Variants in ATP10B observed in about 807,000 individuals in gnomAD.
ATP10B encodes ATPase phospholipid transporting 10B (putative), also known as phospholipid-transporting ATPase VB.
ATP10B carries 122 observed loss-of-function variants against 141.2 expected under a neutral mutation model. The ratio of observed to expected loss-of-function variants is 0.86; its 90% CI spans 0.75 to 1.00. The LOEUF (loss-of-function observed/expected upper bound fraction) is 1.00. Among genes scored for constraint, ATP10B ranks in the 50% least tolerant of loss-of-function variants. The pLI, the probability that ATP10B is intolerant of heterozygous loss-of-function variation, is 0.00. For missense variants in ATP10B, 1,876 were observed against 1,825.3 expected (o/e 1.03, Z -0.51); for synonymous variants, 685 against 692.0 (o/e 0.99, Z 0.16).
At chr5:160,675,825 C>G (rs551899711) in intron 6 of ATP10B, among the ~76,000 whole-genome samples, 13 of 125,812 alleles carry the variant, frequency 1.0e-4, no homozygotes, top group Non-Finnish European at 1.4e-4. Flanking sequence ...TTGCAGGGCT[C>G]AGGGAAGCAC....
chr5:160,904,100 C>T, the ATP10B span, among the ~76,000 whole-genome samples: 1 of 152,066 alleles, frequency 6.6e-6, no homozygotes, highest in African/African-American at 2.4e-5. Context: ...TGGAAAAGCT[C>T]CCAGCAGGCA....
At chr5:160,800,308 A>G (rs573986352) in intron 1 of ATP10B, among the ~76,000 whole-genome samples, 2 of 152,366 alleles carry the variant, frequency 1.3e-5, no homozygotes, top group African/African-American at 4.8e-5. Flanking sequence ...TGGAAATAAT[A>G]AAAATGTCAA....
At chr5:160,897,323 T>C in the ATP10B span, among the ~76,000 whole-genome samples, 1 of 152,228 alleles carries the variant, frequency 6.6e-6, no homozygotes, top group South Asian at 2.1e-4. Flanking sequence ...TTCCTTAAGC[T>C]GATAAGCAAC....
At chr5:160,587,247 T>C (rs1193141105) in intron 24 of ATP10B, among the ~76,000 whole-genome samples, 4 of 152,212 alleles carry the variant, frequency 2.6e-5, no homozygotes, top group African/African-American at 9.7e-5. Flanking sequence ...GTCTGGTTTG[T>C]TGAAGATCAG....
chr5:160,818,058 C>A (rs1347083291), intron 1 of ATP10B, among the ~76,000 whole-genome samples: 1 of 152,098 alleles, frequency 6.6e-6, no homozygotes, highest in African/African-American at 2.4e-5. Context: ...AGAAGAAAAC[C>A]TAGGCAATAC....
intron 2 of ATP10B, among the ~76,000 whole-genome samples, chr5:160,766,176 A>G (rs372813198): frequency 1.4e-4 from 21 of 152,160 alleles, no homozygotes; most frequent in African/African-American, 4.8e-4. Flanking sequence ...TAGAACTACC[A>G]TTTGATTCAG....
chr5:160,882,482 A>G, the ATP10B span, among the ~76,000 whole-genome samples: 1 of 152,122 alleles, frequency 6.6e-6, no homozygotes. Flanking sequence ...GGGTCTGGCC[A>G]TGTTGCCTAG....
intron 22 of ATP10B, among the ~76,000 whole-genome samples, chr5:160,594,785 A>T (rs1172079803): frequency 6.6e-6 from 1 of 152,084 alleles, no homozygotes; most frequent in Non-Finnish European, 1.5e-5. Flanking sequence ...ATCAAAAGAG[A>T]CAAAGAAGGC....
intron 24 of ATP10B, among the ~76,000 whole-genome samples, chr5:160,581,396 T>G (rs1260577287): frequency 6.6e-6 from 1 of 152,190 alleles, no homozygotes; most frequent in Non-Finnish European, 1.5e-5. Context: ...CTGCCTTAAT[T>G]TCATTATTTA....
chr5:160,704,457 G>A (rs1463611636), intron 3 of ATP10B, among the ~76,000 whole-genome samples: 1 of 152,188 alleles, frequency 6.6e-6, no homozygotes, highest in African/African-American at 2.4e-5. Context: ...ATAAACAGAT[G>A]TGCTATCCTC....
intron 6 of ATP10B, among the ~76,000 whole-genome samples, chr5:160,682,210 G>A (rs546596836): frequency 2.6e-5 from 4 of 152,176 alleles, no homozygotes; most frequent in Non-Finnish European, 4.4e-5. Flanking sequence ...AATCAAAGAT[G>A]AACAGGTTTC....
At chr5:160,902,997 G>A in the ATP10B span, among the ~76,000 whole-genome samples, 4 of 152,156 alleles carry the variant, frequency 2.6e-5, no homozygotes, top group African/African-American at 9.7e-5. Context: ...TGCCAGCACT[G>A]GATTTAGAAG....
intron 7 of ATP10B, among the ~76,000 whole-genome samples, chr5:160,655,899 G>C (rs1561710536): frequency 6.6e-6 from 1 of 152,158 alleles, no homozygotes. Context: ...TCCCAGTCCG[G>C]CTCAGATGTG....
chr5:160,665,204 C>G (rs944429632), intron 7 of ATP10B, among the ~76,000 whole-genome samples: 1 of 152,152 alleles, frequency 6.6e-6, no homozygotes, highest in African/African-American at 2.4e-5. Context: ...GGATTTGAAA[C>G]TAACTCTTTG....
chr5:160,742,017 A>G (rs960388219), intron 2 of ATP10B, among the ~76,000 whole-genome samples: 5 of 152,244 alleles, frequency 3.3e-5, no homozygotes, highest in Non-Finnish European at 5.9e-5. Flanking sequence ...AGGATCCAAC[A>G]GGTCAAATAA....
intron 24 of ATP10B, among the ~76,000 whole-genome samples, chr5:160,584,893 G>T (rs1755792646): frequency 6.6e-6 from 1 of 152,064 alleles, no homozygotes; most frequent in Admixed American, 6.5e-5. Flanking sequence ...TTACTCCATT[G>T]TCTCCTGGCT....
At chr5:160,812,278 C>A (rs1773233199) in intron 1 of ATP10B, among the ~76,000 whole-genome samples, 1 of 152,068 alleles carries the variant, frequency 6.6e-6, no homozygotes, top group Admixed American at 6.6e-5. Context: ...ACCTGAAAGG[C>A]CTTCCCAAGG....
chr5:160,695,894 A>C (rs2127755322), intron 3 of ATP10B, among the ~76,000 whole-genome samples: 1 of 152,306 alleles, frequency 6.6e-6, no homozygotes, highest in East Asian at 1.9e-4. Flanking sequence ...GCAGGAAAAA[A>C]AAAGAAAAGA....
the ATP10B span, among the ~76,000 whole-genome samples, chr5:160,909,084 A>G: frequency 6.6e-6 from 1 of 152,148 alleles, no homozygotes; most frequent in African/African-American, 2.4e-5. Flanking sequence ...TAAGTGGCCT[A>G]TGATTTTATG....
Sources: allele counts gnomAD v4.1 joint callset (sites outside exome capture counted in the v4.1 genomes callset), GRCh38; gene constraint gnomAD v4.1.1; transcripts MANE v1.5; gene names NCBI Gene and HGNC (gene_info 2026-07-23, HGNC 2026-07-21).